Variants in SLC24A2 observed in about 807,000 individuals in gnomAD.
The protein encoded by SLC24A2 is sodium/potassium/calcium exchanger 2.
SLC24A2 carries 36 observed loss-of-function variants against 62.0 expected under a neutral mutation model. The ratio of observed to expected loss-of-function variants is 0.58; its 90% confidence interval spans 0.44 to 0.77. SLC24A2 has a LOEUF of 0.77. SLC24A2 is among the 30% of genes least tolerant of loss of function. The pLI, the probability that SLC24A2 is intolerant of heterozygous loss-of-function variation, is 0.00. For synonymous variants in SLC24A2, 358 were observed against 294.0 expected (o/e 1.22, Z -2.23); for missense variants, 846 against 817.9 (o/e 1.03, Z -0.42).
the SLC24A2 span, among the ~76,000 whole-genome samples, chr9:20,056,218 C>G: frequency 2.6e-5 from 4 of 152,154 alleles, no homozygotes; most frequent in Middle Eastern, 3.4e-3. Flanking sequence ...AAATTGAGCA[C>G]TGTGTGTGTG....
chr9:19,906,315 C>A, the SLC24A2 span, among the ~76,000 whole-genome samples: 1 of 151,528 alleles, frequency 6.6e-6, no homozygotes, highest in Admixed American at 6.6e-5. Flanking sequence ...ATCTCTGGGA[C>A]ACATTCAAAG....
At chr9:20,281,791 T>C in the SLC24A2 span, among the ~76,000 whole-genome samples, 1 of 152,246 alleles carries the variant, frequency 6.6e-6, no homozygotes, top group East Asian at 1.9e-4. Flanking sequence ...TTCTAGTTTA[T>C]AGCTTTTGGC....
chr9:20,134,837 TG>T, the SLC24A2 span, among the ~76,000 whole-genome samples: 137 of 152,320 alleles, frequency 9.0e-4, 1 homozygote, highest in African/African-American at 3.2e-3. Context: ...GTATACTTTT[TG>T]TTGCTTGCCA....
the SLC24A2 span, among the ~76,000 whole-genome samples, chr9:20,055,616 G>A: frequency 1.1e-4 from 16 of 152,180 alleles, no homozygotes; most frequent in African/African-American, 2.2e-4. Context: ...GGCCAGGCGC[G>A]GTGGTTCATG....
chr9:19,861,568 C>T, the SLC24A2 span, among the ~76,000 whole-genome samples: 4 of 152,052 alleles, frequency 2.6e-5, no homozygotes, highest in Admixed American at 2.6e-4. Flanking sequence ...GAAAACATGA[C>T]CTCATTAGAT....
chr9:20,284,749 C>T, the SLC24A2 span, among the ~76,000 whole-genome samples: 1 of 152,078 alleles, frequency 6.6e-6, no homozygotes, highest in Non-Finnish European at 1.5e-5. Flanking sequence ...TTTCAAGGAG[C>T]CAGATGAAAA....
chr9:20,042,344 A>G, the SLC24A2 span, among the ~76,000 whole-genome samples: 1 of 152,242 alleles, frequency 6.6e-6, no homozygotes, highest in Non-Finnish European at 1.5e-5. Context: ...GGAACTCTGG[A>G]ATATCTGAGA....
the SLC24A2 span, among the ~76,000 whole-genome samples, chr9:20,036,874 A>ATG: frequency 1.6e-3 from 240 of 149,510 alleles, 4 homozygotes; most frequent in South Asian, 0.02. Context: ...ATATGTATAT[A>ATG]TGTGTGTGTG....
chr9:19,636,315 T>TTTTCTTTCCTTTTCTTTCCTTTC (rs1818329839), intron 2 of SLC24A2, among the ~76,000 whole-genome samples: 8 of 40,320 alleles, frequency 2.0e-4, no homozygotes, highest in African/African-American at 6.9e-4. Context: ...TTTTCTTTTC[T>TTTTCTTTCCTTTTCTTTCCTTTC]TTTCTTTCTT....
At chr9:20,029,246 G>A in the SLC24A2 span, among the ~76,000 whole-genome samples, 6 of 152,210 alleles carry the variant, frequency 3.9e-5, no homozygotes, top group Non-Finnish European at 5.9e-5. Flanking sequence ...CTGGCTGGGG[G>A]ACAGCAGCCT....
intron 2 of SLC24A2, among the ~76,000 whole-genome samples, chr9:19,759,361 T>A (rs1044304099): frequency 6.6e-6 from 1 of 152,176 alleles, no homozygotes; most frequent in African/African-American, 2.4e-5. Context: ...CATTTAATAA[T>A]GAGATTGGAC....
At chr9:19,706,449 G>C (rs1226310306) in intron 2 of SLC24A2, among the ~76,000 whole-genome samples, 2 of 148,322 alleles carry the variant, frequency 1.3e-5, no homozygotes, top group Non-Finnish European at 3.0e-5. Context: ...GCGCGATCTC[G>C]ACTCACTGCA....
chr9:20,298,298 C>T, the SLC24A2 span, among the ~76,000 whole-genome samples: 7 of 152,326 alleles, frequency 4.6e-5, no homozygotes, highest in East Asian at 1.9e-4. Flanking sequence ...AGAGCTATCT[C>T]GGCTCACTGT....
At chr9:19,541,477 A>G (rs1834251175) in intron 8 of SLC24A2, among the ~76,000 whole-genome samples, 1 of 151,160 alleles carries the variant, frequency 6.6e-6, no homozygotes. Context: ...GTGAGGTGTC[A>G]GTGTGCCCCT....
At chr9:19,674,214 T>C (rs972715088) in intron 2 of SLC24A2, among the ~76,000 whole-genome samples, 10 of 152,224 alleles carry the variant, frequency 6.6e-5, no homozygotes, top group African/African-American at 2.2e-4. Flanking sequence ...TTCTAGATTG[T>C]AGGGTTTCTG....
At chr9:20,190,965 T>C in the SLC24A2 span, among the ~76,000 whole-genome samples, 1 of 152,216 alleles carries the variant, frequency 6.6e-6, no homozygotes, top group Non-Finnish European at 1.5e-5. Flanking sequence ...TATTTTTCCA[T>C]GCTCTTCTCA....
At chr9:19,532,208 G>C (rs571444028) in intron 8 of SLC24A2, among the ~76,000 whole-genome samples, 1 of 152,232 alleles carries the variant, frequency 6.6e-6, no homozygotes, top group Admixed American at 6.5e-5. Flanking sequence ...TCAGCCTCCT[G>C]AGGTAGGGTT....
At position 19,516,368 on chromosome 9, in the gene SLC24A2, G is replaced by A; in HGVS notation, c.1771C>T (p.His591Tyr). Reference sequence around the variant, plus strand: ...CTGACAGCCACTGGCTGGAATCTGTGAATGACGGTGTACAGGAGCCAGGGC... The same window carrying A: ...CTGACAGCCACTGGCTGGAATCTGTAAATGACGGTGTACAGGAGCCAGGGC... ...PLPWLLYTVI[H>Y]RFQPVAVSSN... The change falls in exon 11 of 11, where the codon CAC becomes TAC. Residue 591 changes from histidine to tyrosine, a missense_variant. Transcript: ENST00000341998. The A allele has an allele frequency of 6.2e-7, 1 of 1,614,094 alleles. No individual in the cohort carries two copies. Among genetic ancestry groups the A allele is most frequent in the African/African-American group, 1.3e-5 (1 of 75,054 alleles).
chr9:20,306,084 C>T, the SLC24A2 span, among the ~76,000 whole-genome samples: 1 of 152,102 alleles, frequency 6.6e-6, no homozygotes, highest in African/African-American at 2.4e-5. Flanking sequence ...TCACATTATT[C>T]TGAGGTACTA....
Sources: allele counts gnomAD v4.1 joint callset (sites outside exome capture counted in the v4.1 genomes callset), GRCh38; gene constraint gnomAD v4.1.1; transcripts MANE v1.5; gene names NCBI Gene and HGNC (gene_info 2026-07-23, HGNC 2026-07-21).